TSPEAR: variants seen among roughly 807,000 people sequenced by gnomAD.
The protein encoded by TSPEAR is thrombospondin type laminin G domain and EAR repeats.
In TSPEAR, 69 loss-of-function variants were observed where a neutral mutation model predicts 71.6. The ratio of observed to expected loss-of-function variants is 0.96; its 90% confidence interval spans 0.79 to 1.18. The LOEUF (loss-of-function observed/expected upper bound fraction) is 1.18. TSPEAR is among the 50% of genes most tolerant of loss of function. The pLI, the probability that TSPEAR is intolerant of heterozygous loss-of-function variation, is 0.00. For missense variants in TSPEAR, 971 were observed against 894.9 expected (o/e 1.09, Z -1.09); for synonymous variants, 402 against 387.2 (o/e 1.04, Z -0.45).
At position 44,642,875 on chromosome 21, in the gene TSPEAR, A is replaced by C. The variant is rs1601520839; in HGVS notation, c.82+68558T>G. 1.3e-5 allele frequency among the ~76,000 whole-genome samples: 2 copies of C among 152,322 alleles called. No homozygotes were observed. The highest frequency in any genetic ancestry group is 3.9e-4 in the East Asian group (2 of 5,188). On this transcript the variant is annotated intron_variant, in intron 1 of 11. Transcript: ENST00000323084. This position sits in a 1 kb window ranked among gnomAD's most constrained non-coding sequence, Gnocchi z 4.1. ...AAAATTAAAAACTTAAAAATTAAAA[A>C]TGGAACTACCATGTGATGAGCAATC...
rs1161943511 is a variant in TSPEAR at position 44,640,519 on chromosome 21, G to T, written c.82+70914C>A. On this transcript the variant is annotated intron_variant, in intron 1 of 11. Coordinates refer to ENST00000323084, the MANE Select transcript of TSPEAR (RefSeq NM_144991.3). ...CCAGTGGATTGTGCACTTACAGTGG[G>T]TGAACTTCATGGCTTGTGAATTTTC... 2.0e-5 allele frequency among the ~76,000 whole-genome samples: 3 copies of T among 152,200 alleles called. No homozygotes were observed. The South Asian group carries it at 6.2e-4, about 31-fold the overall frequency.
intron 9 of TSPEAR, among the ~76,000 whole-genome samples, chr21:44,514,639 C>T (rs17004654): frequency 7.2e-5 from 11 of 152,272 alleles, no homozygotes; most frequent in East Asian, 1.9e-4. Flanking sequence ...CGCGACTGCA[C>T]GGCCTACTCC....
At chr21:44,622,528 G>C (rs1555933668) in intron 1 of TSPEAR, among the ~76,000 whole-genome samples, 1 of 152,208 alleles carries the variant, frequency 6.6e-6, no homozygotes, top group African/African-American at 2.4e-5. Flanking sequence ...CTCCAAGGGA[G>C]ACTCTGTCCT....
chr21:44,504,327 C>T (rs2052139942), intron 11 of TSPEAR, among the ~76,000 whole-genome samples: 1 of 136,198 alleles, frequency 7.3e-6, no homozygotes, highest in Non-Finnish European at 1.6e-5. Flanking sequence ...GGAAGCAAGG[C>T]ACTGGGAGGA....
chr21:44,546,410 C>G lies in TSPEAR; in HGVS notation c.304-12487G>C, dbSNP rs1442248717. Among the ~76,000 whole-genome samples the G allele has an allele frequency of 6.6e-6, 1 of 152,240 alleles. No individual in the cohort carries two copies. Among genetic ancestry groups the G allele is most frequent in the Admixed American group, 6.5e-5 (1 of 15,290 alleles). On this transcript the variant is annotated intron_variant, in intron 2 of 11. Transcript: ENST00000323084. The surrounding 1 kb of genome is among the most constrained non-coding windows in gnomAD (Gnocchi z 4.4). ...AGTGCAGTGGTGCGATCTCTGCTCA[C>G]TGCAAGCTCCGCCTCCCAGGTTCCC... is the stretch of plus-strand genomic sequence containing the variant.
At position 44,623,847 on chromosome 21, in the gene TSPEAR, T is replaced by C. The variant is rs1555933913; in HGVS notation, c.83-55842A>G. ...TTTCCCTTGGCTGTTTTTAAATTTTTCTCTGTCTTTGGATTTCAGCCCCAA... is the reference window on the plus strand; with the variant it reads ...TTTCCCTTGGCTGTTTTTAAATTTTCCTCTGTCTTTGGATTTCAGCCCCAA... On this transcript the variant is annotated intron_variant, in intron 1 of 11. Transcript: ENST00000323084. This position sits in a 1 kb window ranked among gnomAD's most constrained non-coding sequence, Gnocchi z 4.5. Among the ~76,000 whole-genome samples, 1 of 152,230 alleles carries C rather than the reference T, an allele frequency of 6.6e-6. No individual in the cohort carries two copies. The highest frequency in any genetic ancestry group is 1.9e-4 in the East Asian group (1 of 5,206).
At chr21:44,503,413 G>C (rs1212735838) in intron 11 of TSPEAR, among the ~76,000 whole-genome samples, 1 of 132,408 alleles carries the variant, frequency 7.6e-6, no homozygotes, top group East Asian at 2.4e-4. Context: ...GGAGGAGGCC[G>C]GAGTTGGTGA....
At chr21:44,599,232 A>G (rs587634083) in intron 1 of TSPEAR, among the ~76,000 whole-genome samples, 2 of 150,556 alleles carry the variant, frequency 1.3e-5, no homozygotes, top group Admixed American at 6.7e-5. Context: ...GCTCAAATTT[A>G]TATTATTTTT....
chr21:44,704,370 C>G (rs184525832), intron 1 of TSPEAR, among the ~76,000 whole-genome samples: 6 of 152,196 alleles, frequency 3.9e-5, no homozygotes, highest in Non-Finnish European at 7.3e-5. Context: ...GACTTTACCC[C>G]CTCTGTGACA....
chr21:44,585,103 G>A (rs146626808), intron 1 of TSPEAR, among the ~76,000 whole-genome samples: 63 of 152,214 alleles, frequency 4.1e-4, no homozygotes, highest in Non-Finnish European at 5.9e-4. Context: ...AGAGGGGGTC[G>A]TGCTCCTTCT....
intron 1 of TSPEAR, among the ~76,000 whole-genome samples, chr21:44,703,773 G>T (rs1219135678): frequency 6.6e-6 from 1 of 152,110 alleles, no homozygotes; most frequent in African/African-American, 2.4e-5. Context: ...CTCTTTGGGG[G>T]TTTCCTTTGG....
At chr21:44,576,840 G>A (rs144171794) in intron 1 of TSPEAR, among the ~76,000 whole-genome samples, 31 of 152,330 alleles carry the variant, frequency 2.0e-4, no homozygotes, top group Non-Finnish European at 4.0e-4. Flanking sequence ...TGGGATGCAT[G>A]TTGTTTAAAG....
chr21:44,648,864 G>A (rs1279960382), intron 1 of TSPEAR, among the ~76,000 whole-genome samples: 2 of 152,242 alleles, frequency 1.3e-5, no homozygotes, highest in Non-Finnish European at 2.9e-5. Context: ...AACTGTCCAA[G>A]CCCACGCGGT....
Position 44,533,862 on chromosome 21 carries a change from C to T in TSPEAR, c.365G>A (p.Arg122Gln), listed in dbSNP as rs141753295. ...GAAGTGCAGCTGGGCAGGTGACAAC[C>T]GCAGGCCGAGCAGCAGCAGGTCGCT... ...EESDLLLLGL[R>Q]LSPAQLHFLF... is the part of the protein sequence containing the mutation. The change falls in exon 3 of 12, where the codon CGG becomes CAG. Residue 122 changes from arginine (R) to glutamine (Q), a missense_variant. Physicochemically the swap from Arg to Gln is conservative, Grantham distance 43. Transcript: ENST00000323084. 9.7e-5 allele frequency: 157 copies of T among 1,612,328 alleles called. No homozygotes were observed. In the African/African-American group the frequency reaches 1.4e-3, roughly 15 times the overall value.
chr21:44,693,391 A>G (rs1035416063), intron 1 of TSPEAR, among the ~76,000 whole-genome samples: 4 of 152,206 alleles, frequency 2.6e-5, no homozygotes, highest in Non-Finnish European at 5.9e-5. Flanking sequence ...TTTGAATCAG[A>G]GAACACTGTC....
chr21:44,601,412 G>T (rs782409636), intron 1 of TSPEAR: 1 of 1,608,392 alleles, frequency 6.2e-7, no homozygotes, highest in African/African-American at 1.4e-5. Context: ...AGCCAGCAGG[G>T]CTGCTGCGTG....
At chr21:44,683,794 C>T (rs1037283289) in intron 1 of TSPEAR, among the ~76,000 whole-genome samples, 4 of 152,182 alleles carry the variant, frequency 2.6e-5, no homozygotes, top group African/African-American at 9.6e-5. Context: ...TTATAGACAT[C>T]TTCCAAAAAA....
rs1555928795 is a variant in TSPEAR at position 44,601,550 on chromosome 21, C to G, written c.83-33545G>C. On this transcript the variant is annotated intron_variant, in intron 1 of 11. Transcript: ENST00000323084. ...TGCTGCAGACCCTCCTCCTCCGTGTCCCTCCTCTGCCGCCCCGTGTGCAGG... is the reference window on the plus strand; with the variant it reads ...TGCTGCAGACCCTCCTCCTCCGTGTGCCTCCTCTGCCGCCCCGTGTGCAGG... The G allele has an allele frequency of 1.9e-6, 3 of 1,613,940 alleles. 1 individual carries two copies. In the South Asian group the frequency reaches 3.3e-5, roughly 18 times the overall value.
intron 9 of TSPEAR, chr21:44,519,883 T>G (rs1227970005): frequency 3.3e-5 from 5 of 152,230 alleles, no homozygotes; most frequent in African/African-American, 9.7e-5. Flanking sequence ...TTGGCACAGG[T>G]GCTCTACAGA....
Sources: allele counts gnomAD v4.1 joint callset (sites outside exome capture counted in the v4.1 genomes callset), GRCh38; gene constraint gnomAD v4.1.1; non-coding constraint Gnocchi (gnomAD v3.1); transcripts MANE v1.5; gene names NCBI Gene and HGNC (gene_info 2026-07-23, HGNC 2026-07-21).